WASL: variants seen among roughly 807,000 people sequenced by gnomAD.
WASL encodes the protein WASP like actin nucleation promoting factor, also known as actin nucleation-promoting factor WASL.
Under a neutral mutation model 55.5 loss-of-function variants are expected in WASL, and 20 were observed. That is an observed-to-expected ratio of 0.36 (90% CI 0.25 to 0.52). The LOEUF is 0.52. WASL is among the 20% of genes least tolerant of loss of function. The probability of loss-of-function intolerance (pLI) is 0.92; values close to 1 mark genes in which losing one functional copy is unlikely to be tolerated. For synonymous variants in WASL, 249 were observed against 217.6 expected (o/e 1.14, Z -1.27); for missense variants, 504 against 622.5 (o/e 0.81, Z 2.03).
intron 9 of WASL, 108 bp downstream of exon 9, chr7:123,692,239 T>C: frequency 3.6e-6 from 5 of 1,400,358 alleles, no homozygotes; most frequent in Non-Finnish European, 4.8e-6. Flanking sequence ...AAGAATGAAT[T>C]AGCAAGAGGA....
chr7:123,706,410 T>A (rs1253905303), intron 3 of WASL, 37 bp from the exon 4 acceptor site: 1 of 1,562,652 alleles, frequency 6.4e-7, no homozygotes, highest in South Asian at 1.1e-5. Context: ...AACAACAGAA[T>A]GTATGAATTT....
intron 1 of WASL, among the ~76,000 whole-genome samples, chr7:123,718,719 T>C (rs999806134): frequency 1.3e-5 from 2 of 152,186 alleles, no homozygotes; most frequent in Admixed American, 6.5e-5. Flanking sequence ...TAACAGATGA[T>C]TACATAGCAT....
intron 1 of WASL, among the ~76,000 whole-genome samples, chr7:123,736,264 G>C (rs1804225975): frequency 6.6e-6 from 1 of 151,686 alleles, no homozygotes; most frequent in South Asian, 2.1e-4. Flanking sequence ...TGCATTACAA[G>C]AAACATTTTA....
chr7:123,740,398 ATATCAG>A (rs1210077719), intron 1 of WASL, among the ~76,000 whole-genome samples: 1 of 152,160 alleles, frequency 6.6e-6, no homozygotes, highest in Non-Finnish European at 1.5e-5. Context: ...ATATGCTATT[ATATCAG>A]TATAACTCTC....
chr7:123,701,078 T>C (rs888324541), intron 5 of WASL, among the ~76,000 whole-genome samples: 6 of 152,226 alleles, frequency 3.9e-5, no homozygotes, highest in African/African-American at 1.4e-4. Flanking sequence ...AGTGATAACC[T>C]GTTTAAGGTA....
intron 1 of WASL, among the ~76,000 whole-genome samples, chr7:123,731,143 AGAGT>A (rs1321355275): frequency 6.6e-6 from 1 of 152,226 alleles, no homozygotes; most frequent in Non-Finnish European, 1.5e-5. Context: ...AGTATGCTTC[AGAGT>A]AAGTATGTAT....
intron 6 of WASL, 148 bp from the exon 7 acceptor site, chr7:123,696,013 A>C: frequency 1.5e-6 from 1 of 679,314 alleles, no homozygotes; most frequent in Non-Finnish European, 2.5e-6. Flanking sequence ...TGTGATAAAA[A>C]CTATGTACAA....
intron 1 of WASL, among the ~76,000 whole-genome samples, chr7:123,710,851 A>G (rs547195560): frequency 5.7e-4 from 87 of 152,340 alleles, no homozygotes; most frequent in African/African-American, 2.0e-3. Flanking sequence ...TCTCAGGATG[A>G]TAGTGCCACA....
intron 10 of WASL, 111 bp from the exon 11 acceptor site, chr7:123,684,691 CCAG>C (rs147291543): frequency 0.47 from 471,912 of 996,238 alleles, 113,081 homozygotes; most frequent in South Asian, 0.66. Context: ...AATGTGACTC[CCAG>C]AAGAATCTAG....
chr7:123,700,163 G>A (rs1319460623), intron 5 of WASL, among the ~76,000 whole-genome samples: 15 of 87,056 alleles, frequency 1.7e-4, no homozygotes, highest in Admixed American at 1.5e-3. Context: ...GCAACAGAGC[G>A]AAACTCCGTC....
intron 1 of WASL, among the ~76,000 whole-genome samples, chr7:123,716,154 G>A (rs1487134445): frequency 2.6e-5 from 4 of 152,092 alleles, no homozygotes; most frequent in Non-Finnish European, 5.9e-5. Flanking sequence ...TGGATTTTCA[G>A]GGAATAAAGT....
intron 1 of WASL, among the ~76,000 whole-genome samples, chr7:123,739,900 GTGTGTGTGTGTGTGTA>G (rs757164614): frequency 1.3e-3 from 76 of 57,222 alleles, no homozygotes; most frequent in Admixed American, 3.0e-3. Context: ...GTGTGTGTGT[GTGTGTGTGTGTGTGTA>G]TATATATATA....
chr7:123,723,391 A>T (rs1192255322), intron 1 of WASL, among the ~76,000 whole-genome samples: 1 of 152,206 alleles, frequency 6.6e-6, no homozygotes, highest in Non-Finnish European at 1.5e-5. Flanking sequence ...AGCTGTAACT[A>T]AAAAAACACT....
At chr7:123,723,282 A>G (rs968074889) in intron 1 of WASL, among the ~76,000 whole-genome samples, 3 of 152,158 alleles carry the variant, frequency 2.0e-5, no homozygotes, top group Admixed American at 6.5e-5. Flanking sequence ...TTTTATTTTC[A>G]GTATGTTGGT....
chr7:123,700,159 G>C (rs1803557269), intron 5 of WASL, among the ~76,000 whole-genome samples: 1 of 108,332 alleles, frequency 9.2e-6, no homozygotes. Context: ...CTGGGCAACA[G>C]AGCGAAACTC....
At chr7:123,727,516 A>C (rs1047906855) in intron 1 of WASL, among the ~76,000 whole-genome samples, 5 of 152,222 alleles carry the variant, frequency 3.3e-5, no homozygotes, top group Admixed American at 3.3e-4. Context: ...CTAATAAAAA[A>C]AGAATGAACA....
chr7:123,700,570 G>C (rs1376106505), intron 5 of WASL, among the ~76,000 whole-genome samples: 1 of 152,044 alleles, frequency 6.6e-6, no homozygotes, highest in East Asian at 1.9e-4. Flanking sequence ...CTCCCAGGTG[G>C]CTGGGACTAC....
chr7:123,721,546 C>T (rs151174749), intron 1 of WASL, among the ~76,000 whole-genome samples: 14 of 152,242 alleles, frequency 9.2e-5, no homozygotes, highest in Non-Finnish European at 1.6e-4. Context: ...AACAAACAAA[C>T]GAACAACAAC....
At chr7:123,713,420 AG>A (rs1803790455) in intron 1 of WASL, among the ~76,000 whole-genome samples, 1 of 152,124 alleles carries the variant, frequency 6.6e-6, no homozygotes, top group Non-Finnish European at 1.5e-5. Flanking sequence ...CCTAAAGTGT[AG>A]GGATTACAGA....
Sources: gnomAD v4.1 joint callset for allele counts (sites outside exome capture counted in the v4.1 genomes callset) on GRCh38, gnomAD v4.1.1 for gene constraint, MANE v1.5 for transcripts, NCBI Gene and HGNC (gene_info 2026-07-23, HGNC 2026-07-21) for gene names.